Variants in SUCLG2 observed in about 807,000 individuals in gnomAD.
The protein encoded by SUCLG2 is succinate--CoA ligase [GDP-forming] subunit beta, mitochondrial.
SUCLG2 carries 42 observed loss-of-function variants against 47.9 expected under a neutral mutation model. The observed-to-expected ratio is 0.88, with a 90% CI of 0.69 to 1.14. The LOEUF (loss-of-function observed/expected upper bound fraction) is 1.14. SUCLG2 is among the 50% of genes most tolerant of loss of function. The probability of loss-of-function intolerance (pLI) is 0.00; values close to 1 mark genes in which losing one functional copy is unlikely to be tolerated. For missense variants in SUCLG2, 571 were observed against 525.9 expected (o/e 1.09, Z -0.84); for synonymous variants, 195 against 197.3 (o/e 0.99, Z 0.10).
intron 2 of SUCLG2, among the ~76,000 whole-genome samples, chr3:67,554,280 G>T (rs1707098053): frequency 6.6e-6 from 1 of 152,154 alleles, no homozygotes; most frequent in Admixed American, 6.5e-5. Context: ...CCTCTGTAAG[G>T]CTAAAGCTAT....
intron 9 of SUCLG2, among the ~76,000 whole-genome samples, chr3:67,465,327 C>T (rs1704444380): frequency 6.6e-6 from 1 of 152,206 alleles, no homozygotes; most frequent in African/African-American, 2.4e-5. Context: ...CTCAGCGCCT[C>T]CTCAGTCCTT....
At position 67,492,880 on chromosome 3, in the gene SUCLG2, C is replaced by T. The variant is rs979715285; in HGVS notation, c.1062+2918G>A. On this transcript the variant is annotated intron_variant, in intron 9 of 10. Coordinates refer to ENST00000307227, the MANE Select transcript of SUCLG2 (RefSeq NM_003848.4). Reference sequence around the variant, plus strand: ...CTAAAATTTTCAGCTCTATGACTGACATCATGAGTGGAAATATATGTCAAC... The same window carrying T: ...CTAAAATTTTCAGCTCTATGACTGATATCATGAGTGGAAATATATGTCAAC... 3.5e-4 allele frequency among the ~76,000 whole-genome samples: 53 copies of T among 152,150 alleles called. 1 individual carries two copies. The highest frequency in any genetic ancestry group is 1.3e-4 in the Admixed American group (2 of 15,280).
In SUCLG2 at chr3:67,393,707, G is replaced by A. The variant is rs180723848; in HGVS notation, c.1183+7024C>T. Among the ~76,000 whole-genome samples, 517 of 152,316 alleles carry A rather than the reference G, an allele frequency of 3.4e-3. 1 individual carries two copies. Among genetic ancestry groups the A allele is most frequent in the African/African-American group, 0.012 (482 of 41,564 alleles). Reference sequence around the variant, plus strand: ...CACGCAGCTGGAGATCTGAGAACGGGCAGACTGCCTCCTCAAGTGGGTCCC... The same window carrying A: ...CACGCAGCTGGAGATCTGAGAACGGACAGACTGCCTCCTCAAGTGGGTCCC... On this transcript the variant is annotated intron_variant, in intron 10 of 10. Transcript: ENST00000307227.
At chr3:67,530,467 T>C (rs907058226) in intron 2 of SUCLG2, among the ~76,000 whole-genome samples, 2 of 152,226 alleles carry the variant, frequency 1.3e-5, no homozygotes, top group Admixed American at 6.5e-5. Context: ...TAAGTTTGGT[T>C]ATTTCAGCTA....
At chr3:67,483,806 C>T (rs971624601) in intron 9 of SUCLG2, among the ~76,000 whole-genome samples, 15 of 152,140 alleles carry the variant, frequency 9.9e-5, no homozygotes, top group African/African-American at 3.6e-4. Context: ...TGCTGGAGAA[C>T]ACCCCCCTAC....
intron 10 of SUCLG2, among the ~76,000 whole-genome samples, chr3:67,392,439 G>A (rs1702409773): frequency 6.6e-6 from 1 of 152,140 alleles, no homozygotes; most frequent in Non-Finnish European, 1.5e-5. Context: ...TTAGACAAAG[G>A]CTCACAGGAC....
At chr3:67,390,533 G>C (rs1308222839) in intron 10 of SUCLG2, among the ~76,000 whole-genome samples, 1 of 152,110 alleles carries the variant, frequency 6.6e-6, no homozygotes, top group Non-Finnish European at 1.5e-5. Context: ...CTGAGACAGA[G>C]GATTATTTTT....
intron 9 of SUCLG2, among the ~76,000 whole-genome samples, chr3:67,423,025 T>G (rs115285399): frequency 3.3e-5 from 5 of 152,286 alleles, no homozygotes; most frequent in African/African-American, 1.2e-4. Context: ...AGGGTTGATT[T>G]AGTCTTGTTT....
rs184318420 is a variant in SUCLG2 at position 67,451,671 on chromosome 3, G to T, written c.1062+44127C>A. ...CCCTTTCTTATACTTTTTACTTCTG[G>T]TGGGGGTGGGGCGGCAATTATAGTT... On this transcript the variant is annotated intron_variant, in intron 9 of 10. Transcript: ENST00000307227. Among the ~76,000 whole-genome samples, 781 of 151,906 alleles carry T rather than the reference G, an allele frequency of 5.1e-3. 5 individuals carry two copies. The highest frequency in any genetic ancestry group is 4.5e-3 in the Non-Finnish European group (306 of 67,998).
chr3:67,557,177 G>A (rs956728713), intron 2 of SUCLG2, among the ~76,000 whole-genome samples: 6 of 152,156 alleles, frequency 3.9e-5, no homozygotes, highest in African/African-American at 1.4e-4. Flanking sequence ...AGGATAGGAA[G>A]AATCTCCTTC....
At chr3:67,615,621 A>AACACACAC (rs60992383) in intron 1 of SUCLG2, among the ~76,000 whole-genome samples, 11,691 of 142,044 alleles carry the variant, frequency 0.082, 522 homozygotes, top group Middle Eastern at 0.12. Flanking sequence ...CACAAACACA[A>AACACACAC]ACACACACAC....
At chr3:67,399,113 T>C (rs1452862948) in intron 10 of SUCLG2, among the ~76,000 whole-genome samples, 2 of 151,224 alleles carry the variant, frequency 1.3e-5, no homozygotes, top group Non-Finnish European at 2.9e-5. Context: ...ATGGCACATG[T>C]ATACATAGGT....
intron 1 of SUCLG2, among the ~76,000 whole-genome samples, chr3:67,623,274 G>C (rs943325971): frequency 6.6e-6 from 1 of 152,158 alleles, no homozygotes; most frequent in Non-Finnish European, 1.5e-5. Flanking sequence ...GCCAAAGCGG[G>C]TGAATCACGA....
chr3:67,470,316 C>T (rs1053851963), intron 9 of SUCLG2, among the ~76,000 whole-genome samples: 1 of 152,176 alleles, frequency 6.6e-6, no homozygotes, highest in Non-Finnish European at 1.5e-5. Flanking sequence ...TATACTTCAG[C>T]CTCTGCTTTA....
At chr3:67,479,981 A>G (rs1170558930) in intron 9 of SUCLG2, among the ~76,000 whole-genome samples, 2 of 152,214 alleles carry the variant, frequency 1.3e-5, no homozygotes, top group African/African-American at 4.8e-5. Context: ...AGTCCTCTGC[A>G]TTTCAGGGAC....
At chr3:67,418,309 T>C (rs758191013) in intron 9 of SUCLG2, among the ~76,000 whole-genome samples, 1 of 151,302 alleles carries the variant, frequency 6.6e-6, no homozygotes, top group African/African-American at 2.4e-5. Flanking sequence ...TTACCTGGCA[T>C]ATAAGTAATT....
rs974494377 is a variant in SUCLG2, at chr3:67,544,953, T to C, written c.227-15767A>G. ...AAATACATTGATCATCTTTGTTAAATTTAGATATTTTACCCCAAATACTTT... is the reference window on the plus strand; with the variant it reads ...AAATACATTGATCATCTTTGTTAAACTTAGATATTTTACCCCAAATACTTT... On this transcript the variant is annotated intron_variant, in intron 2 of 10. Coordinates refer to ENST00000307227, the MANE Select transcript of SUCLG2 (RefSeq NM_003848.4). 4.6e-5 allele frequency among the ~76,000 whole-genome samples: 7 copies of C among 152,314 alleles called. No individual in the cohort carries two copies. The East Asian group carries it at 1.4e-3, about 29-fold the overall frequency.
At chr3:67,651,783 C>T (rs76485367) in intron 1 of SUCLG2, among the ~76,000 whole-genome samples, 11,891 of 152,154 alleles carry the variant, frequency 0.078, 545 homozygotes, top group Middle Eastern at 0.14. Context: ...AAAAATTATG[C>T]CAATCAAAAA....
At chr3:67,543,595 G>A (rs1575766791) in intron 2 of SUCLG2, among the ~76,000 whole-genome samples, 1 of 152,268 alleles carries the variant, frequency 6.6e-6, no homozygotes, top group Non-Finnish European at 1.5e-5. Flanking sequence ...AGCCCAGGAG[G>A]TTGCGGCTGC....
Sources: allele counts gnomAD v4.1 joint callset (sites outside exome capture counted in the v4.1 genomes callset), GRCh38; gene constraint gnomAD v4.1.1; transcripts MANE v1.5; gene names NCBI Gene and HGNC (gene_info 2026-07-23, HGNC 2026-07-21).